MAF: variants seen among roughly 807,000 people sequenced by gnomAD.
The protein encoded by MAF is transcription factor Maf.
In MAF, 10 loss-of-function variants were observed where a neutral mutation model predicts 22.0. The observed-to-expected ratio is 0.45, with a 90% CI of 0.28 to 0.77. The LOEUF is 0.77. Ranked by LOEUF, MAF falls within the 30% of genes least tolerant of loss-of-function variation. The pLI is 0.12. For synonymous variants in MAF, 337 were observed against 255.8 expected (o/e 1.32, Z -3.03); for missense variants, 544 against 548.4 (o/e 0.99, Z 0.08).
chr16:79,561,198 G>C, the MAF span, among the ~76,000 whole-genome samples: 1 of 151,984 alleles, frequency 6.6e-6, no homozygotes, highest in Non-Finnish European at 1.5e-5. Context: ...AACAGAATTT[G>C]TATGCTTTTC....
the MAF span, among the ~76,000 whole-genome samples, chr16:79,461,781 G>A: frequency 6.6e-6 from 1 of 152,122 alleles, no homozygotes; most frequent in Admixed American, 6.5e-5. Flanking sequence ...CCAGGAAAAT[G>A]GAGAGGATCC....
chr16:79,491,939 T>G, the MAF span, among the ~76,000 whole-genome samples: 1 of 152,074 alleles, frequency 6.6e-6, no homozygotes, highest in Non-Finnish European at 1.5e-5. Context: ...ACAGGTCTCC[T>G]CTCCCACTTC....
chr16:79,216,354 T>C, the MAF span, among the ~76,000 whole-genome samples: 8 of 152,366 alleles, frequency 5.3e-5, no homozygotes, highest in East Asian at 1.5e-3. Flanking sequence ...GTATTGCATA[T>C]ATATGTGTAT....
chr16:79,218,032 T>G, the MAF span, among the ~76,000 whole-genome samples: 1 of 93,282 alleles, frequency 1.1e-5, no homozygotes, highest in Admixed American at 1.4e-4. Flanking sequence ...AAATCTAAAA[T>G]AGCAATACCC....
the MAF span, among the ~76,000 whole-genome samples, chr16:79,538,962 A>G: frequency 1.3e-5 from 2 of 152,258 alleles, no homozygotes; most frequent in Non-Finnish European, 2.9e-5. Context: ...GATGAGGTAG[A>G]AAAGGAAAAG....
the MAF span, among the ~76,000 whole-genome samples, chr16:79,430,169 T>C: frequency 2.0e-5 from 3 of 152,202 alleles, no homozygotes; most frequent in Non-Finnish European, 4.4e-5. Context: ...TCACATTTTA[T>C]GACGGTAATT....
chr16:79,581,345 C>T (rs2143662958), downstream of MAF, among the ~76,000 whole-genome samples: 1 of 152,174 alleles, frequency 6.6e-6, no homozygotes, highest in South Asian at 2.1e-4. Flanking sequence ...ATAGACTCAG[C>T]CCTTTAATTA....
chr16:79,319,644 T>C, the MAF span, among the ~76,000 whole-genome samples: 5 of 152,326 alleles, frequency 3.3e-5, no homozygotes, highest in Admixed American at 3.3e-4. Context: ...TCTTAAACTA[T>C]TCTACTTATT....
chr16:79,517,747 G>T, the MAF span, among the ~76,000 whole-genome samples: 36 of 152,052 alleles, frequency 2.4e-4, no homozygotes, highest in East Asian at 3.3e-3. Context: ...GCTAATTTTT[G>T]TATTTTTAGT....
the MAF span, among the ~76,000 whole-genome samples, chr16:79,247,597 C>T: frequency 2.0e-5 from 3 of 152,190 alleles, no homozygotes; most frequent in Non-Finnish European, 4.4e-5. Flanking sequence ...CCTGAGGCAC[C>T]TCTTCCCCGC....
the MAF span, among the ~76,000 whole-genome samples, chr16:79,312,163 T>A: frequency 2.6e-5 from 4 of 152,166 alleles, no homozygotes; most frequent in African/African-American, 9.7e-5. Flanking sequence ...AATACTCACT[T>A]TTTATACAAA....
At chr16:79,418,999 A>T in the MAF span, among the ~76,000 whole-genome samples, 1 of 152,216 alleles carries the variant, frequency 6.6e-6, no homozygotes, top group African/African-American at 2.4e-5. Context: ...ATTTTGTGGT[A>T]TGTTAATAAG....
chr16:79,529,447 T>A, the MAF span, among the ~76,000 whole-genome samples: 1 of 152,228 alleles, frequency 6.6e-6, no homozygotes, highest in Non-Finnish European at 1.5e-5. Flanking sequence ...TTCTGAAATC[T>A]ACATACTATT....
the MAF span, among the ~76,000 whole-genome samples, chr16:79,550,807 G>C: frequency 6.6e-6 from 1 of 152,098 alleles, no homozygotes; most frequent in Non-Finnish European, 1.5e-5. Flanking sequence ...TCTGTATGTA[G>C]GTTCCCAACC....
the MAF span, among the ~76,000 whole-genome samples, chr16:79,337,473 C>T: frequency 1.3e-5 from 2 of 152,144 alleles, no homozygotes; most frequent in Admixed American, 6.5e-5. Context: ...GAGGCTGAGG[C>T]AGAAGAATCG....
At chr16:79,557,951 G>C in the MAF span, among the ~76,000 whole-genome samples, 1 of 151,924 alleles carries the variant, frequency 6.6e-6, no homozygotes, top group African/African-American at 2.4e-5. Context: ...AAGGCCTGAT[G>C]GGTGCTTCAG....
At chr16:79,571,530 A>ATTTTTTTTTTTTTTTTTTTTTTTTTTT in the MAF span, among the ~76,000 whole-genome samples, 1 of 103,876 alleles carries the variant, frequency 9.6e-6, no homozygotes, top group African/African-American at 3.7e-5. Flanking sequence ...TCTCAGCGGA[A>ATTTTTTTTTTTTTTTTTTTTTTTTTTT]TTTTTTTTTT....
the MAF span, among the ~76,000 whole-genome samples, chr16:79,427,933 G>C: frequency 1.3e-5 from 2 of 151,942 alleles, no homozygotes; most frequent in Non-Finnish European, 2.9e-5. Context: ...TAAATGAATG[G>C]AGTGTGAATG....
chr16:79,557,151 G>C, the MAF span, among the ~76,000 whole-genome samples: 127 of 142,892 alleles, frequency 8.9e-4, 3 homozygotes, highest in African/African-American at 3.1e-3. Flanking sequence ...CCTTTCAACA[G>C]ACTTCAGCAA....
Sources: gnomAD v4.1 joint callset for allele counts (sites outside exome capture counted in the v4.1 genomes callset) on GRCh38, gnomAD v4.1.1 for gene constraint, MANE v1.5 for transcripts, NCBI Gene and HGNC (gene_info 2026-07-23, HGNC 2026-07-21) for gene names.